NBEA: variants seen among roughly 807,000 people sequenced by gnomAD.
NBEA encodes the protein lysosomal-trafficking regulator 2.
A neutral mutation model predicts 343.4 loss-of-function variants in NBEA; 44 were observed. The observed-to-expected ratio is 0.13, with a 90% CI of 0.10 to 0.16. The LOEUF (loss-of-function observed/expected upper bound fraction) is 0.16, where lower values mean the gene tolerates loss of function less well. NBEA is among the 10% of genes least tolerant of loss of function. The pLI is 1.00. For missense variants in NBEA, 2,555 were observed against 3,631.3 expected (o/e 0.70, Z 7.62); for synonymous variants, 1,175 against 1,238.7 (o/e 0.95, Z 1.08).
intron 17 of NBEA, 42 bp downstream of exon 17, chr13:35,123,616 T>C: frequency 8.1e-7 from 1 of 1,236,942 alleles, no homozygotes; most frequent in Non-Finnish European, 1.1e-6. Context: ...AAATAACTAT[T>C]GAGATTATGT....
chr13:34,989,028 C>G (rs2060657442), intron 1 of NBEA, among the ~76,000 whole-genome samples: 1 of 150,636 alleles, frequency 6.6e-6, no homozygotes, highest in Admixed American at 6.6e-5. Flanking sequence ...CTGTGTACCT[C>G]CTTTTCTGCC....
At chr13:35,333,521 T>C (rs562842538) in intron 36 of NBEA, among the ~76,000 whole-genome samples, 20 of 152,226 alleles carry the variant, frequency 1.3e-4, no homozygotes, top group Admixed American at 5.9e-4. Context: ...GCCTCAGGCA[T>C]TTATCCTTTA....
At chr13:35,245,880 T>C (rs979742302) in intron 34 of NBEA, among the ~76,000 whole-genome samples, 2 of 152,214 alleles carry the variant, frequency 1.3e-5, no homozygotes, top group African/African-American at 4.8e-5. Context: ...CTAAATATGT[T>C]TTCCAAACTT....
At chr13:34,950,743 T>C (rs1464994565) in intron 1 of NBEA, among the ~76,000 whole-genome samples, 3 of 152,052 alleles carry the variant, frequency 2.0e-5, no homozygotes, top group Non-Finnish European at 2.9e-5. Context: ...AATACTCACT[T>C]TGGCTAAATA....
intron 38 of NBEA, among the ~76,000 whole-genome samples, chr13:35,423,305 C>A (rs2044422298): frequency 6.6e-6 from 1 of 152,122 alleles, no homozygotes; most frequent in South Asian, 2.1e-4. Flanking sequence ...AGTCTTTAAT[C>A]CATCTTGAAT....
chr13:35,329,804 T>C (rs997111581), intron 36 of NBEA, among the ~76,000 whole-genome samples: 10 of 149,750 alleles, frequency 6.7e-5, no homozygotes, highest in Non-Finnish European at 1.4e-4. Flanking sequence ...AATTATATTA[T>C]ATGTAAATTG....
chr13:35,273,747 T>A (rs2152806181), intron 34 of NBEA, among the ~76,000 whole-genome samples: 1 of 152,152 alleles, frequency 6.6e-6, no homozygotes, highest in Non-Finnish European at 1.5e-5. Flanking sequence ...TCTACTCAAA[T>A]AAACTAGAAA....
intron 40 of NBEA, among the ~76,000 whole-genome samples, chr13:35,455,550 G>A (rs1021941943): frequency 6.6e-6 from 1 of 152,008 alleles, no homozygotes; most frequent in East Asian, 1.9e-4. Context: ...TCTGCCTGTT[G>A]AGAACTGTTT....
At chr13:35,367,311 A>T (rs2041177110) in intron 38 of NBEA, among the ~76,000 whole-genome samples, 1 of 151,320 alleles carries the variant, frequency 6.6e-6, no homozygotes, top group African/African-American at 2.4e-5. Flanking sequence ...AGATGGTAGA[A>T]GTATCTTTAC....
intron 16 of NBEA, among the ~76,000 whole-genome samples, 154 bp downstream of exon 16, chr13:35,118,628 T>G (rs1450237970): frequency 6.6e-6 from 1 of 152,078 alleles, no homozygotes; most frequent in Non-Finnish European, 1.5e-5. Flanking sequence ...CCTCGAATAC[T>G]CAGGAAACTG....
chr13:35,399,725 C>T (rs1006473185), intron 38 of NBEA, among the ~76,000 whole-genome samples: 1 of 152,116 alleles, frequency 6.6e-6, no homozygotes, highest in South Asian at 2.1e-4. Context: ...AAAGAGACCT[C>T]GCTTTTGGCC....
At chr13:35,452,828 A>G (rs1435696280) in intron 40 of NBEA, among the ~76,000 whole-genome samples, 1 of 152,204 alleles carries the variant, frequency 6.6e-6, no homozygotes, top group Non-Finnish European at 1.5e-5. Flanking sequence ...GTATTCACCC[A>G]CAACCTTTTT....
At chr13:35,177,203 A>G (rs1296898836) in intron 28 of NBEA, 100 bp downstream of exon 28, 1 of 850,668 alleles carries the variant, frequency 1.2e-6, no homozygotes, top group Non-Finnish European at 1.9e-6. Context: ...GACATTCCCT[A>G]GTATCTGGGA....
At chr13:35,550,635 T>G (rs1289156331) in intron 42 of NBEA, 41 bp downstream of exon 42, 4 of 1,222,174 alleles carry the variant, frequency 3.3e-6, no homozygotes, top group Non-Finnish European at 4.8e-6. Context: ...GTGCTCATAT[T>G]TACATATTAT....
intron 36 of NBEA, among the ~76,000 whole-genome samples, chr13:35,318,398 T>A (rs1594195661): frequency 6.6e-6 from 1 of 152,338 alleles, no homozygotes; most frequent in East Asian, 1.9e-4. Flanking sequence ...TGTAATGGAT[T>A]ACATTTATTG....
chr13:35,384,628 C>A (rs1301051634), intron 38 of NBEA, among the ~76,000 whole-genome samples: 1 of 149,270 alleles, frequency 6.7e-6, no homozygotes, highest in Non-Finnish European at 1.5e-5. Context: ...CAGGTTCAGG[C>A]GATTCTTGTG....
intron 34 of NBEA, among the ~76,000 whole-genome samples, chr13:35,255,096 C>T (rs957555774): frequency 3.3e-5 from 5 of 152,104 alleles, no homozygotes; most frequent in Non-Finnish European, 5.9e-5. Context: ...TTTAATGAAT[C>T]GACCTCATGT....
rs1444325288 is a variant in NBEA, at chr13:35,236,584, C to T, written c.5776+3965C>T. 3.3e-5 allele frequency among the ~76,000 whole-genome samples: 5 copies of T among 151,708 alleles called. No homozygotes were observed. The East Asian group carries it at 9.7e-4, about 29-fold the overall frequency. ...GCCTCAGCCTCCCAAGTAGCTGGGA[C>T]TGCAGGTGCCTGCCACCACGCCCAG... On this transcript the variant is annotated intron_variant, in intron 34 of 58. Transcript: ENST00000379939.
chr13:35,171,551 A>G, intron 26 of NBEA, 99 bp downstream of exon 26: 1 of 903,836 alleles, frequency 1.1e-6, no homozygotes, highest in South Asian at 2.8e-5. Context: ...TAAGTTGATG[A>G]TTATATAATA....
Sources: allele counts gnomAD v4.1 joint callset (sites outside exome capture counted in the v4.1 genomes callset), GRCh38; gene constraint gnomAD v4.1.1; transcripts MANE v1.5; gene names NCBI Gene and HGNC (gene_info 2026-07-23, HGNC 2026-07-21).